RBFOX1: variants seen among roughly 807,000 people sequenced by gnomAD.
RBFOX1 encodes the protein RNA binding fox-1 homolog 1.
A neutral mutation model predicts 57.7 loss-of-function variants in RBFOX1; 8 were observed. The ratio of observed to expected loss-of-function variants is 0.14; its 90% CI spans 0.08 to 0.25. The LOEUF (loss-of-function observed/expected upper bound fraction) is 0.25. Among genes scored for constraint, RBFOX1 ranks in the 10% least tolerant of loss-of-function variants. The pLI, the probability that RBFOX1 is intolerant of heterozygous loss-of-function variation, is 1.00. For synonymous variants in RBFOX1, 326 were observed against 222.4 expected (o/e 1.47, Z -4.15); for missense variants, 611 against 548.5 (o/e 1.11, Z -1.14).
At chr16:5,751,703 C>G (rs2053212264) in intron 3 of RBFOX1, among the ~76,000 whole-genome samples, 1 of 152,182 alleles carries the variant, frequency 6.6e-6, no homozygotes, top group Non-Finnish European at 1.5e-5. Context: ...ATACTGTTAG[C>G]TGTAGAATAT....
At chr16:7,498,905 A>T (rs988038788) in intron 4 of RBFOX1, among the ~76,000 whole-genome samples, 1 of 152,244 alleles carries the variant, frequency 6.6e-6, no homozygotes, top group Non-Finnish European at 1.5e-5. Context: ...GTGTTAGTGT[A>T]TAAGCAACAG....
intron 4 of RBFOX1, among the ~76,000 whole-genome samples, chr16:5,887,568 A>AT (rs1393195886): frequency 5.9e-5 from 9 of 151,484 alleles, no homozygotes; most frequent in Non-Finnish European, 1.2e-4. Flanking sequence ...CGCCTGGATA[A>AT]TTTTTTTTTC....
chr16:5,249,949 ACAGTGAGGAGCAGGTTG>A (rs1567234310), intron 1 of RBFOX1, among the ~76,000 whole-genome samples: 1 of 139,050 alleles, frequency 7.2e-6, no homozygotes, highest in African/African-American at 2.8e-5. Context: ...GGAGGAGGTT[ACAGTGAGGAGCAGGTTG>A]CAGTGAGGAG....
chr16:5,398,375 G>C (rs2066621896), intron 1 of RBFOX1, among the ~76,000 whole-genome samples: 1 of 152,092 alleles, frequency 6.6e-6, no homozygotes, highest in South Asian at 2.1e-4. Context: ...GTGTGCATGT[G>C]CTTGTGTGTA....
chr16:7,037,874 C>T (rs977570484), intron 3 of RBFOX1, among the ~76,000 whole-genome samples: 2 of 152,148 alleles, frequency 1.3e-5, no homozygotes, highest in African/African-American at 4.8e-5. Flanking sequence ...CCAGATAAGG[C>T]CATGGCCTGT....
intron 3 of RBFOX1, among the ~76,000 whole-genome samples, chr16:6,848,266 C>G (rs944666406): frequency 6.6e-6 from 1 of 152,096 alleles, no homozygotes; most frequent in Non-Finnish European, 1.5e-5. Context: ...ACAGCTGCAG[C>G]TGATTGTGAC....
chr16:6,497,523 C>T (rs528500081), intron 2 of RBFOX1, among the ~76,000 whole-genome samples: 2 of 151,790 alleles, frequency 1.3e-5, no homozygotes, highest in Non-Finnish European at 2.9e-5. Flanking sequence ...GTGGAATAAC[C>T]TCCAGTATAA....
intron 5 of RBFOX1, among the ~76,000 whole-genome samples, chr16:7,545,112 C>CT (rs139914349): frequency 0.041 from 6,276 of 152,254 alleles, 208 homozygotes; most frequent in East Asian, 0.12. Context: ...CAGGAATTAT[C>CT]TTTTTTTCCT....
chr16:5,346,722 T>C (rs1454548661), intron 1 of RBFOX1, among the ~76,000 whole-genome samples: 1 of 152,160 alleles, frequency 6.6e-6, no homozygotes, highest in African/African-American at 2.4e-5. Flanking sequence ...TGACCCTCGC[T>C]TGTGGAAGGA....
intron 3 of RBFOX1, among the ~76,000 whole-genome samples, chr16:6,959,513 C>T (rs988887123): frequency 4.0e-5 from 6 of 151,728 alleles, no homozygotes; most frequent in African/African-American, 4.9e-5. Flanking sequence ...TTATTTTTTA[C>T]CCTCTCTCAT....
chr16:5,346,780 G>C (rs114938321), intron 1 of RBFOX1, among the ~76,000 whole-genome samples: 1 of 152,280 alleles, frequency 6.6e-6, no homozygotes, highest in East Asian at 1.9e-4. Flanking sequence ...TCTCAGCCCA[G>C]TCCCAGCTCT....
At chr16:7,351,110 C>G (rs2097123110) in intron 4 of RBFOX1, among the ~76,000 whole-genome samples, 1 of 152,170 alleles carries the variant, frequency 6.6e-6, no homozygotes. Context: ...GAGAAGGCCC[C>G]TTGGGACTGG....
chr16:6,730,410 ATC>A, intron 3 of RBFOX1, among the ~76,000 whole-genome samples: 1 of 152,200 alleles, frequency 6.6e-6, no homozygotes, highest in Non-Finnish European at 1.5e-5. Flanking sequence ...TGCATCTGTC[ATC>A]TCTCTATCTC....
chr16:6,013,951 G>A (rs532863264), intron 4 of RBFOX1, among the ~76,000 whole-genome samples: 63 of 149,922 alleles, frequency 4.2e-4, no homozygotes, highest in Non-Finnish European at 8.3e-4. Flanking sequence ...ATCACACACC[G>A]GGGCCTGTTG....
intron 1 of RBFOX1, among the ~76,000 whole-genome samples, chr16:5,296,816 T>A (rs948012534): frequency 5.3e-5 from 8 of 152,002 alleles, no homozygotes; most frequent in Admixed American, 1.3e-4. Context: ...GTAGCTGGGA[T>A]TACAGGCACG....
At chr16:7,367,682 C>T (rs1443099999) in intron 4 of RBFOX1, among the ~76,000 whole-genome samples, 2 of 152,094 alleles carry the variant, frequency 1.3e-5, no homozygotes, top group African/African-American at 2.4e-5. Context: ...GAACAAATGT[C>T]CCATCCCATC....
At chr16:7,219,217 G>C (rs1474553995) in intron 4 of RBFOX1, among the ~76,000 whole-genome samples, 1 of 152,184 alleles carries the variant, frequency 6.6e-6, no homozygotes, top group Non-Finnish European at 1.5e-5. Context: ...GAGGCAGGCA[G>C]CATGCTCTAC....
At chr16:5,984,972 A>ATTT (rs1567221756) in intron 4 of RBFOX1, among the ~76,000 whole-genome samples, 3 of 55,722 alleles carry the variant, frequency 5.4e-5, no homozygotes, top group African/African-American at 2.5e-4. Context: ...ATATATATAT[A>ATTT]TATATTTTTT....
At chr16:5,601,924 C>G (rs1416895057), downstream of RBFOX1, among the ~76,000 whole-genome samples, 1 of 152,216 alleles carries the variant, frequency 6.6e-6, no homozygotes, top group African/African-American at 2.4e-5. Context: ...GGCCCCCAAC[C>G]TCACTCATGG....
Sources: gnomAD v4.1 joint callset for allele counts (sites outside exome capture counted in the v4.1 genomes callset) on GRCh38, gnomAD v4.1.1 for gene constraint, MANE v1.5 for transcripts, NCBI Gene and HGNC (gene_info 2026-07-23, HGNC 2026-07-21) for gene names.